The following SLC25A48 variants were observed in gnomAD, a reference collection of about 807,000 sequenced individuals.
SLC25A48 encodes the protein CTC-321K16.1.
A neutral mutation model predicts 32.2 loss-of-function variants in SLC25A48; 29 were observed. The ratio of observed to expected loss-of-function variants is 0.90; its 90% CI spans 0.67 to 1.23. SLC25A48 has a LOEUF of 1.23. Ranked by LOEUF, SLC25A48 falls within the 50% of genes most tolerant of loss-of-function variation. SLC25A48 has a pLI of 0.00. For missense variants in SLC25A48, 399 were observed against 422.7 expected, an observed-to-expected ratio of 0.94 and a Z score of 0.49; for synonymous variants, 164 against 172.3, an observed-to-expected ratio of 0.95 and a Z score of 0.38.
intron 3 of SLC25A48, among the ~76,000 whole-genome samples, chr5:135,753,586 A>G (rs1033913143): frequency 1.3e-5 from 2 of 151,824 alleles, no homozygotes; most frequent in Non-Finnish European, 2.9e-5. Context: ...TAATATCTCA[A>G]GAATATTATG....
In SLC25A48 at chr5:135,629,710, G is replaced by A. The variant is rs935714419; in HGVS notation, c.-709+334G>A. On this transcript the variant is annotated intron_variant, in intron 2 of 10. Transcript: ENST00000646290. This position sits in a 1 kb window ranked among gnomAD's most constrained non-coding sequence, Gnocchi z 4.8. ...TGATCAGTTATCACAACCAAGGAGC[G>A]AGGGAGCTGGGGCATTGATCCTTCA... Among the ~76,000 whole-genome samples, 1 of 152,306 alleles carries A rather than the reference G, an allele frequency of 6.6e-6. No homozygotes were observed. Among genetic ancestry groups the A allele is most frequent in the Non-Finnish European group, 1.5e-5 (1 of 68,018 alleles).
chr5:135,617,690 C>A (rs1752220771), intron 1 of SLC25A48, among the ~76,000 whole-genome samples: 1 of 151,368 alleles, frequency 6.6e-6, no homozygotes, highest in Admixed American at 6.6e-5. Flanking sequence ...TTTAAATTTT[C>A]TCTTTAATTT....
At chr5:135,781,807 G>A (rs1469622231) in intron 3 of SLC25A48, among the ~76,000 whole-genome samples, 1 of 115,796 alleles carries the variant, frequency 8.6e-6, no homozygotes, top group Non-Finnish European at 2.1e-5. Flanking sequence ...CACAGGAAGT[G>A]TACACCCTTT....
intron 3 of SLC25A48, among the ~76,000 whole-genome samples, chr5:135,657,798 A>G (rs1753290095): frequency 6.6e-6 from 1 of 152,204 alleles, no homozygotes; most frequent in South Asian, 2.1e-4. Flanking sequence ...CATTAGCCCG[A>G]TGAACTGACC....
At position 135,737,052 on chromosome 5, in the gene SLC25A48, C is replaced by T. The variant is rs564269663; in HGVS notation, c.-520-75471C>T. 2.7e-4 allele frequency among the ~76,000 whole-genome samples: 41 copies of T among 152,278 alleles called. 1 individual carries two copies. The South Asian group carries it at 7.5e-3, about 28-fold the overall frequency. On this transcript the variant is annotated intron_variant, in intron 3 of 10. Transcript: ENST00000646290. The stretch of plus-strand genomic sequence containing the variant: ...GCAGGAGGACAGAGGATTGATCTCC[C>T]GAGGGAGGTCCCCTGATCCGAGTCA...
chr5:135,839,809 G>T (rs1758840360), intron 1 of SLC25A48, among the ~76,000 whole-genome samples: 1 of 152,180 alleles, frequency 6.6e-6, no homozygotes, highest in South Asian at 2.1e-4. Context: ...TGCTGTTCTT[G>T]TGGTAGTGAA....
intron 3 of SLC25A48, among the ~76,000 whole-genome samples, chr5:135,684,352 C>T (rs1234072818): frequency 6.6e-6 from 1 of 152,032 alleles, no homozygotes; most frequent in Non-Finnish European, 1.5e-5. Context: ...GTTCTAGGGA[C>T]CTAGACTCGG....
intron 4 of SLC25A48, among the ~76,000 whole-genome samples, chr5:135,817,132 C>T (rs570997241): frequency 7.9e-5 from 12 of 152,250 alleles, no homozygotes; most frequent in African/African-American, 2.4e-4. Context: ...ATTTCCCCCC[C>T]AGGGAACATC....
chr5:135,593,270 T>C (rs1413260548), intron 1 of SLC25A48, among the ~76,000 whole-genome samples: 6 of 152,142 alleles, frequency 3.9e-5, no homozygotes, highest in Admixed American at 1.3e-4. Context: ...TTGGAATCTG[T>C]AGGGCTATGT....
intron 3 of SLC25A48, among the ~76,000 whole-genome samples, chr5:135,653,359 G>C (rs1405858478): frequency 1.3e-5 from 2 of 152,196 alleles, no homozygotes; most frequent in Non-Finnish European, 2.9e-5. Context: ...GAACCGAGGA[G>C]ATTCTGTAGG....
At chr5:135,812,069 G>A (rs1417162900) in intron 3 of SLC25A48, among the ~76,000 whole-genome samples, 2 of 152,220 alleles carry the variant, frequency 1.3e-5, no homozygotes, top group African/African-American at 4.8e-5. Context: ...GTGGCAGAGT[G>A]AGACTCTGTC....
chr5:135,706,720 G>A (rs1409829704), intron 3 of SLC25A48, among the ~76,000 whole-genome samples: 1 of 152,052 alleles, frequency 6.6e-6, no homozygotes, highest in Admixed American at 6.5e-5. Flanking sequence ...GACGAGAGGG[G>A]TAAGGGGCAC....
At chr5:135,667,337 G>A (rs1753548376) in intron 3 of SLC25A48, among the ~76,000 whole-genome samples, 1 of 152,098 alleles carries the variant, frequency 6.6e-6, no homozygotes, top group African/African-American at 2.4e-5. Context: ...CCTGCAAACT[G>A]GCAAAACAAA....
chr5:135,749,462 C>T (rs1216853218), intron 3 of SLC25A48, among the ~76,000 whole-genome samples: 1 of 152,162 alleles, frequency 6.6e-6, no homozygotes, highest in Non-Finnish European at 1.5e-5. Context: ...AGGCCCCATC[C>T]CTGGCCTCCT....
chr5:135,686,971 A>G (rs1028422823), intron 3 of SLC25A48, among the ~76,000 whole-genome samples: 1 of 151,820 alleles, frequency 6.6e-6, no homozygotes, highest in African/African-American at 2.4e-5. Flanking sequence ...ACAGAGAAGC[A>G]GAATCCTGAT....
intron 3 of SLC25A48, among the ~76,000 whole-genome samples, chr5:135,775,933 G>A (rs2126614988): frequency 6.6e-6 from 1 of 151,798 alleles, no homozygotes; most frequent in East Asian, 1.9e-4. Context: ...CACCCCCACT[G>A]TGATATTGTT....
intron 3 of SLC25A48, among the ~76,000 whole-genome samples, chr5:135,710,350 G>A (rs1222470955): frequency 6.6e-6 from 1 of 152,216 alleles, no homozygotes; most frequent in East Asian, 1.9e-4. Flanking sequence ...GACGGCTCCA[G>A]CTCACTAATA....
At chr5:135,879,605 A>AGTGTGTGTGTGTGTGT (rs745668429) in intron 6 of SLC25A48, among the ~76,000 whole-genome samples, 3 of 135,278 alleles carry the variant, frequency 2.2e-5, no homozygotes, top group African/African-American at 3.6e-5. Flanking sequence ...AGAGAGAGAG[A>AGTGTGTGTGTGTGTGT]GAGAGAGTGT....
At chr5:135,714,709 T>G (rs1754754069) in intron 3 of SLC25A48, 3 of 152,272 alleles carry the variant, frequency 2.0e-5, no homozygotes, top group Admixed American at 1.3e-4. Flanking sequence ...TTACAGGCAT[T>G]ACATCATTCA....
Sources: allele counts gnomAD v4.1 joint callset (sites outside exome capture counted in the v4.1 genomes callset), GRCh38; gene constraint gnomAD v4.1.1; non-coding constraint Gnocchi (gnomAD v3.1); transcripts MANE v1.5; gene names NCBI Gene and HGNC (gene_info 2026-07-23, HGNC 2026-07-21).